IPCEF1: variants seen among roughly 807,000 people sequenced by gnomAD.
IPCEF1 encodes interactor protein for cytohesin exchange factors 1.
In IPCEF1, 31 loss-of-function variants were observed where a neutral mutation model predicts 50.9. The observed-to-expected ratio is 0.61, with a 90% CI of 0.46 to 0.82. The LOEUF (loss-of-function observed/expected upper bound fraction) is 0.82. IPCEF1 is among the 40% of genes least tolerant of loss of function. The probability of loss-of-function intolerance (pLI) is 0.00; values close to 1 mark genes in which losing one functional copy is unlikely to be tolerated. For missense variants in IPCEF1, 458 were observed against 514.0 expected, an observed-to-expected ratio of 0.89 and a Z score of 1.05; for synonymous variants, 181 against 192.0, an observed-to-expected ratio of 0.94 and a Z score of 0.47.
At chr6:154,235,617 C>T (rs554860567) in intron 5 of IPCEF1, among the ~76,000 whole-genome samples, 1 of 151,692 alleles carries the variant, frequency 6.6e-6, no homozygotes, top group Non-Finnish European at 1.5e-5. Context: ...TGCCTTCCTG[C>T]AATGTGAAGT....
intron 1 of IPCEF1, among the ~76,000 whole-genome samples, chr6:154,300,649 C>A (rs953094031): frequency 1.3e-5 from 2 of 152,026 alleles, no homozygotes; most frequent in African/African-American, 2.4e-5. Context: ...ATATCAATAA[C>A]AACAACAAAA....
Position 154,212,924 on chromosome 6 carries a change from G to T in IPCEF1, c.452-69C>A, listed in dbSNP as rs747681429. The stretch of plus-strand genomic sequence containing the variant: ...GCTTATTCCATAATGCATGAGCAGA[G>T]GTTTATCTCCATCTGGCTATTGCAA... On this transcript the variant is annotated intron_variant, in intron 8 of 11. Coordinates refer to ENST00000367220, the MANE Select transcript of IPCEF1 (RefSeq NM_001130700.2). The T allele has an allele frequency of 6.6e-6, 7 of 1,058,556 alleles. No homozygotes were observed. The South Asian group carries it at 9.2e-5, about 14-fold the overall frequency. 65.6% of individuals were successfully genotyped at this position (1,058,556 alleles called of 1,614,324 possible).
intron 10 of IPCEF1, among the ~76,000 whole-genome samples, chr6:154,190,931 C>G (rs999037933): frequency 1.3e-5 from 2 of 152,090 alleles, no homozygotes; most frequent in Non-Finnish European, 2.9e-5. Context: ...TGGCAGGTAC[C>G]TATAGTCCCA....
chr6:154,327,171 G>A (rs747791477), intron 1 of IPCEF1, among the ~76,000 whole-genome samples: 14 of 152,022 alleles, frequency 9.2e-5, no homozygotes, highest in East Asian at 3.8e-4. Flanking sequence ...ATTTCATGAC[G>A]GAAATGCCAA....
At chr6:154,237,917 A>G (rs1264722454) in intron 5 of IPCEF1, among the ~76,000 whole-genome samples, 1 of 152,084 alleles carries the variant, frequency 6.6e-6, no homozygotes, top group Non-Finnish European at 1.5e-5. Context: ...AATATATATC[A>G]ATTTATTTTT....
Position 154,195,473 on chromosome 6 carries a change from A to T in IPCEF1, c.910+4195T>A, listed in dbSNP as rs148689235. The stretch of plus-strand genomic sequence containing the variant: ...AGCTACAATAATTTTTCTAAAGCAT[A>T]CTTCCAACTCACCCTGATGAGAAAT... On this transcript the variant is annotated intron_variant, in intron 10 of 11. Transcript: ENST00000367220. 5.5e-3 allele frequency among the ~76,000 whole-genome samples: 833 copies of T among 152,076 alleles called. 7 individuals are homozygous for T. The highest frequency in any genetic ancestry group is 0.018 in the African/African-American group (764 of 41,478).
At chr6:154,207,560 T>TTTTTTTTG (rs1562541490) in intron 9 of IPCEF1, among the ~76,000 whole-genome samples, 2 of 147,846 alleles carry the variant, frequency 1.4e-5, no homozygotes, top group African/African-American at 5.0e-5. Flanking sequence ...CTTTTTGGGG[T>TTTTTTTTG]TTTTTTTGTT....
chr6:154,193,263 C>CT (rs1244431850), intron 10 of IPCEF1, among the ~76,000 whole-genome samples: 1 of 152,144 alleles, frequency 6.6e-6, no homozygotes, highest in African/African-American at 2.4e-5. Context: ...TGAAGTAACT[C>CT]AGGAATGGAA....
intron 10 of IPCEF1, among the ~76,000 whole-genome samples, chr6:154,185,578 T>G (rs967946540): frequency 6.6e-6 from 1 of 152,208 alleles, no homozygotes; most frequent in African/African-American, 2.4e-5. Context: ...GCTTTGATTT[T>G]AACACAAAAT....
At chr6:154,221,554 T>A (rs1381966332) in intron 6 of IPCEF1, among the ~76,000 whole-genome samples, 2 of 152,200 alleles carry the variant, frequency 1.3e-5, no homozygotes, top group African/African-American at 4.8e-5. Flanking sequence ...GGCTGAGTCT[T>A]AGCTGGTCAG....
chr6:154,303,846 G>A (rs1231265152), intron 1 of IPCEF1, among the ~76,000 whole-genome samples: 2 of 152,132 alleles, frequency 1.3e-5, no homozygotes, highest in African/African-American at 2.4e-5. Flanking sequence ...GCTTGAGCCC[G>A]GGAGGTCAAG....
At chr6:154,264,827 G>T (rs767939346) in intron 3 of IPCEF1, among the ~76,000 whole-genome samples, 1 of 152,078 alleles carries the variant, frequency 6.6e-6, no homozygotes, top group African/African-American at 2.4e-5. Context: ...TGTTTCAGCC[G>T]CCCTGCATGT....
chr6:154,300,643 C>A (rs1411787177), intron 1 of IPCEF1, among the ~76,000 whole-genome samples: 6 of 152,146 alleles, frequency 3.9e-5, no homozygotes, highest in African/African-American at 1.4e-4. Flanking sequence ...CTAACAATAT[C>A]AATAACAACA....
intron 5 of IPCEF1, among the ~76,000 whole-genome samples, chr6:154,237,920 T>G (rs1187623671): frequency 6.6e-6 from 1 of 152,212 alleles, no homozygotes; most frequent in Non-Finnish European, 1.5e-5. Flanking sequence ...ATATATCAAT[T>G]TATTTTTAAG....
intron 9 of IPCEF1, among the ~76,000 whole-genome samples, chr6:154,208,868 T>C (rs1447547113): frequency 6.6e-6 from 1 of 152,230 alleles, no homozygotes; most frequent in Non-Finnish European, 1.5e-5. Context: ...ACTAAAAGAC[T>C]CACATCTATT....
intron 1 of IPCEF1, among the ~76,000 whole-genome samples, chr6:154,341,749 C>T (rs1261059762): frequency 6.6e-6 from 1 of 152,156 alleles, no homozygotes; most frequent in Non-Finnish European, 1.5e-5. Context: ...TACACAAACA[C>T]TAAAGTTGGA....
rs528529173 is a variant in IPCEF1, at chr6:154,340,649, GC to G, written c.-62+16022del. ...GCCTGTAATCCCAGCACTTTGGGAG[GC>G]CGAGGTGGGCGGATTACCTGAGGTT... On this transcript the variant is annotated intron_variant, in intron 1 of 11. Transcript: ENST00000367220. Among the ~76,000 whole-genome samples, 393 of 152,080 alleles carry G rather than the reference GC, an allele frequency of 2.6e-3. 1 individual carries two copies. The highest frequency in any genetic ancestry group is 9.2e-3 in the African/African-American group (381 of 41,522).
At chr6:154,355,523 C>T (rs1187949541) in intron 1 of IPCEF1, among the ~76,000 whole-genome samples, 2 of 149,118 alleles carry the variant, frequency 1.3e-5, no homozygotes, top group Non-Finnish European at 3.0e-5. Context: ...AACTCTTGCT[C>T]TGTCACCCAG....
intron 2 of IPCEF1, among the ~76,000 whole-genome samples, chr6:154,281,599 C>T (rs1039844487): frequency 2.6e-5 from 4 of 151,660 alleles, no homozygotes; most frequent in Admixed American, 6.6e-5. Context: ...TGGTGACTCA[C>T]GCCTGTAATC....
Sources: allele counts gnomAD v4.1 joint callset (sites outside exome capture counted in the v4.1 genomes callset), GRCh38; gene constraint gnomAD v4.1.1; transcripts MANE v1.5; gene names NCBI Gene and HGNC (gene_info 2026-07-23, HGNC 2026-07-21).